CALN1: variants seen among roughly 807,000 people sequenced by gnomAD.
CALN1 encodes calneuron 1, also known as calcium-binding protein 8.
CALN1 carries 17 observed loss-of-function variants against 30.6 expected under a neutral mutation model. The observed-to-expected ratio is 0.56, with a 90% CI of 0.38 to 0.83. The LOEUF (loss-of-function observed/expected upper bound fraction) is 0.83. CALN1 is among the 40% of genes least tolerant of loss of function. The probability of loss-of-function intolerance (pLI) is 0.00; values close to 1 mark genes in which losing one functional copy is unlikely to be tolerated. For synonymous variants in CALN1, 156 were observed against 131.4 expected (o/e 1.19, Z -1.28); for missense variants, 291 against 354.9 (o/e 0.82, Z 1.45).
chr7:72,220,449 A>G (rs1020033427), intron 3 of CALN1, among the ~76,000 whole-genome samples: 10 of 151,352 alleles, frequency 6.6e-5, no homozygotes, highest in Non-Finnish European at 1.3e-4. Context: ...TTGTTGTTGG[A>G]CATTTGGGTT....
At chr7:72,026,549 C>T (rs1258031908) in intron 4 of CALN1, among the ~76,000 whole-genome samples, 1 of 151,882 alleles carries the variant, frequency 6.6e-6, no homozygotes, top group Non-Finnish European at 1.5e-5. Flanking sequence ...AAGACCACTG[C>T]ACTCCAGCCT....
At chr7:72,267,294 GTGGAGAGGGCCCTCCAGAGC>G (rs1172066275) in intron 3 of CALN1, among the ~76,000 whole-genome samples, 2 of 152,170 alleles carry the variant, frequency 1.3e-5, no homozygotes, top group African/African-American at 2.4e-5. Flanking sequence ...TGGGTGGCAG[GTGGAGAGGGCCCTCCAGAGC>G]TTACTGCACA....
intron 4 of CALN1, among the ~76,000 whole-genome samples, chr7:72,068,273 AAC>A (rs1165740943): frequency 2.0e-5 from 3 of 152,364 alleles, no homozygotes; most frequent in Admixed American, 6.5e-5. Context: ...ATCAAATATT[AAC>A]AGAGATCTAT....
chr7:71,979,040 T>C (rs1798252198), intron 5 of CALN1, among the ~76,000 whole-genome samples: 1 of 152,086 alleles, frequency 6.6e-6, no homozygotes. Flanking sequence ...CTGCCCAGTA[T>C]GGTAGAGATG....
chr7:71,853,492 C>T (rs1452037175), intron 5 of CALN1, among the ~76,000 whole-genome samples: 1 of 151,694 alleles, frequency 6.6e-6, no homozygotes, highest in East Asian at 1.9e-4. Flanking sequence ...TACAATATAT[C>T]TTTATTGAGA....
At chr7:71,908,661 CT>C (rs111750650) in intron 5 of CALN1, among the ~76,000 whole-genome samples, 24 of 152,334 alleles carry the variant, frequency 1.6e-4, no homozygotes, top group Middle Eastern at 3.4e-3. Flanking sequence ...TCTCCTGTGC[CT>C]GACATGGTAT....
chr7:72,095,565 C>T (rs1261207718), intron 4 of CALN1, among the ~76,000 whole-genome samples: 17 of 152,286 alleles, frequency 1.1e-4, no homozygotes. Flanking sequence ...TGTAAACTTA[C>T]AAATCTCCAG....
chr7:72,072,180 T>G (rs1486159820), intron 4 of CALN1, among the ~76,000 whole-genome samples: 1 of 152,122 alleles, frequency 6.6e-6, no homozygotes, highest in Admixed American at 6.6e-5. Context: ...TCAATGAACT[T>G]CATCTAAGAT....
chr7:72,079,630 T>TG (rs758354985), intron 4 of CALN1, among the ~76,000 whole-genome samples: 67 of 152,140 alleles, frequency 4.4e-4, no homozygotes, highest in Admixed American at 1.4e-3. Flanking sequence ...CCTACATTTC[T>TG]GGGTCACCAT....
At chr7:71,901,760 G>A (rs2214747) in intron 5 of CALN1, among the ~76,000 whole-genome samples, 47,388 of 151,898 alleles carry the variant, frequency 0.31, 8,467 homozygotes, top group East Asian at 0.53. Flanking sequence ...ATATACAAAA[G>A]TTAACTCAAG....
intron 5 of CALN1, among the ~76,000 whole-genome samples, chr7:71,972,041 A>C (rs1440330810): frequency 6.6e-6 from 1 of 151,678 alleles, no homozygotes; most frequent in Non-Finnish European, 1.5e-5. Context: ...AGAAAGACAC[A>C]CTCAGAGTTG....
chr7:72,101,444 A>T (rs1295161200), intron 4 of CALN1, among the ~76,000 whole-genome samples: 1 of 152,172 alleles, frequency 6.6e-6, no homozygotes, highest in Non-Finnish European at 1.5e-5. Context: ...GCTTTTCAGA[A>T]ATATCTCTAA....
intron 3 of CALN1, among the ~76,000 whole-genome samples, chr7:72,192,596 C>T (rs1286970819): frequency 1.3e-5 from 2 of 151,550 alleles, no homozygotes; most frequent in South Asian, 2.1e-4. Context: ...GCTAAAATAC[C>T]CTAGGCAACA....
At chr7:72,059,084 C>T (rs1803472478) in intron 4 of CALN1, among the ~76,000 whole-genome samples, 1 of 152,162 alleles carries the variant, frequency 6.6e-6, no homozygotes. Flanking sequence ...TTGAAAACTT[C>T]TGGGATTCAC....
chr7:72,281,246 C>T (rs1219862595), intron 2 of CALN1, among the ~76,000 whole-genome samples: 1 of 152,108 alleles, frequency 6.6e-6, no homozygotes. Context: ...AGCAAGAAGG[C>T]CCCTGAAAGA....
chr7:72,501,946 T>TAC, the CALN1 span, among the ~76,000 whole-genome samples: 115 of 52,438 alleles, frequency 2.2e-3, 16 homozygotes, highest in African/African-American at 0.011. Flanking sequence ...TATATATATA[T>TAC]ATACACACAT....
At chr7:71,895,419 G>T (rs1357341173) in intron 5 of CALN1, among the ~76,000 whole-genome samples, 7 of 151,934 alleles carry the variant, frequency 4.6e-5, no homozygotes, top group African/African-American at 1.7e-4. Flanking sequence ...TGATTTCATA[G>T]AATTGTCTAC....
At chr7:72,247,223 C>CTTTTTTTTT in intron 3 of CALN1, among the ~76,000 whole-genome samples, 1 of 43,490 alleles carries the variant, frequency 2.3e-5, no homozygotes, top group Non-Finnish European at 6.0e-5. Flanking sequence ...AGACCATTTT[C>CTTTTTTTTT]TTTCTTTTTT....
chr7:72,307,675 G>C (rs1021324209), intron 2 of CALN1, among the ~76,000 whole-genome samples: 3 of 152,178 alleles, frequency 2.0e-5, no homozygotes, highest in African/African-American at 7.2e-5. Context: ...TGAGCCTCTG[G>C]TGCAGATGCC....
Sources: allele counts gnomAD v4.1 joint callset (sites outside exome capture counted in the v4.1 genomes callset), GRCh38; gene constraint gnomAD v4.1.1; transcripts MANE v1.5; gene names NCBI Gene and HGNC (gene_info 2026-07-23, HGNC 2026-07-21).